The following UGT8 variants were observed in gnomAD, a reference collection of about 807,000 sequenced individuals.
UGT8 encodes the protein UDP glycosyltransferase 8, also known as 2-hydroxyacylsphingosine 1-beta-galactosyltransferase.
In UGT8, 12 loss-of-function variants were observed where a neutral mutation model predicts 40.5. That is an observed-to-expected ratio of 0.30 (90% CI 0.19 to 0.48). The LOEUF (loss-of-function observed/expected upper bound fraction) is 0.48, where lower values mean the gene tolerates loss of function less well. UGT8 is among the 20% of genes least tolerant of loss of function. The pLI is 0.99. For synonymous variants in UGT8, 224 were observed against 240.4 expected (o/e 0.93, Z 0.63); for missense variants, 513 against 648.7 (o/e 0.79, Z 2.27).
At chr4:114,646,329 C>T (rs1472391840) in intron 2 of UGT8, among the ~76,000 whole-genome samples, 2 of 151,588 alleles carry the variant, frequency 1.3e-5, no homozygotes, top group Non-Finnish European at 2.9e-5. Flanking sequence ...TAAGGTATAT[C>T]AGATGAACAT....
Position 114,676,325 on chromosome 4 carries a change from T to A in UGT8, c.*37T>A. On this transcript the variant is annotated 3_prime_UTR_variant, in exon 6 of 6. Transcript: ENST00000310836. ...AGGTGATAGAAATAAATTGGTTCAC[T>A]CATTGAATTTTTATTGCTATTATTT... 1 of 1,503,230 alleles carries A rather than the reference T, an allele frequency of 6.7e-7. No individual in the cohort carries two copies. Among genetic ancestry groups the A allele is most frequent in the Non-Finnish European group, 8.9e-7 (1 of 1,122,154 alleles). The allele number at this position is 1,503,230 out of a possible 1,614,324, so 93.1% of individuals were successfully genotyped here.
intron 2 of UGT8, among the ~76,000 whole-genome samples, chr4:114,644,789 G>A (rs966338914): frequency 6.6e-6 from 1 of 151,992 alleles, no homozygotes; most frequent in Admixed American, 6.6e-5. Flanking sequence ...TATCTGCAGG[G>A]TGTGTTGAGC....
chr4:114,601,552 C>CGGTAGCT (rs1357030265), intron 1 of UGT8, among the ~76,000 whole-genome samples: 3 of 151,452 alleles, frequency 2.0e-5, no homozygotes, highest in Admixed American at 2.0e-4. Context: ...CACATTTTCT[C>CGGTAGCT]GGTAGCTGAC....
chr4:114,624,896 C>T (rs961126603), intron 2 of UGT8, among the ~76,000 whole-genome samples: 1 of 152,130 alleles, frequency 6.6e-6, no homozygotes, highest in Non-Finnish European at 1.5e-5. Context: ...CTGACGTCAA[C>T]TGTAAAGGAT....
intron 1 of UGT8, among the ~76,000 whole-genome samples, chr4:114,621,133 A>G (rs1233562137): frequency 6.6e-6 from 1 of 152,190 alleles, no homozygotes. Flanking sequence ...AGACAACTTT[A>G]TTACACATAT....
At chr4:114,610,502 A>G (rs1408010289) in intron 1 of UGT8, among the ~76,000 whole-genome samples, 1 of 152,216 alleles carries the variant, frequency 6.6e-6, no homozygotes, top group Non-Finnish European at 1.5e-5. Flanking sequence ...ATAGATACTT[A>G]GAAGACACAA....
At chr4:114,642,712 T>A (rs965133877) in intron 2 of UGT8, among the ~76,000 whole-genome samples, 2 of 152,188 alleles carry the variant, frequency 1.3e-5, no homozygotes, top group Non-Finnish European at 2.9e-5. Context: ...CGCTTGTCAT[T>A]TGGCTTTCTT....
chr4:114,603,599 GAGA>G (rs1167156987), intron 1 of UGT8, among the ~76,000 whole-genome samples: 1 of 152,142 alleles, frequency 6.6e-6, no homozygotes, highest in Non-Finnish European at 1.5e-5. Context: ...TTCAGAAAGT[GAGA>G]AGGTCAGGTA....
rs1259018300 is a variant in UGT8, at chr4:114,668,307, A to G, written c.1262+3A>G. The G allele has an allele frequency of 1.2e-6, 2 of 1,613,044 alleles. No individual in the cohort carries two copies. Among genetic ancestry groups the G allele is most frequent in the Non-Finnish European group, 8.5e-7 (1 of 1,179,220 alleles). On this transcript the variant is annotated splice_donor_region_variant and intron_variant, in intron 5 of 5. Transcript: ENST00000310836. ...GTGAAGGTTATCAATAATCCCAGGT[A>G]AGGTTTCAATTAACATTAAAGCTGA...
intron 2 of UGT8, among the ~76,000 whole-genome samples, chr4:114,625,157 C>A (rs1314168157): frequency 1.3e-5 from 2 of 152,226 alleles, no homozygotes; most frequent in Admixed American, 6.5e-5. Flanking sequence ...TCTGCCAGCT[C>A]CCTTTGGTTT....
Position 114,676,413 on chromosome 4 carries a change from A to G in UGT8, c.*125A>G, listed in dbSNP as rs533072316. On this transcript the variant is annotated 3_prime_UTR_variant, in exon 6 of 6. Transcript: ENST00000310836. The stretch of plus-strand genomic sequence containing the variant: ...ATTCTAACATGCCCTTATGAGATCT[A>G]CTAATGAAATTCTGTGGAATTAAGA... The G allele has an allele frequency of 4.9e-5, 39 of 788,790 alleles. No homozygotes were observed. In the East Asian group the frequency reaches 6.8e-4, roughly 14 times the overall value. The allele number at this position is 788,790 out of a possible 1,614,324, so 48.9% of individuals were successfully genotyped here.
At chr4:114,644,182 G>C (rs1383969588) in intron 2 of UGT8, among the ~76,000 whole-genome samples, 1 of 152,100 alleles carries the variant, frequency 6.6e-6, no homozygotes, top group African/African-American at 2.4e-5. Flanking sequence ...CCCTCTCAAA[G>C]TTTCCTTATA....
At chr4:114,671,578 G>A (rs947491633) in intron 5 of UGT8, among the ~76,000 whole-genome samples, 2 of 152,138 alleles carry the variant, frequency 1.3e-5, no homozygotes, top group Non-Finnish European at 2.9e-5. Context: ...AATGGGGAAA[G>A]GATCTCCTAT....
In UGT8 at chr4:114,664,152, T is replaced by C; in HGVS notation, c.965+15T>C. The C allele has an allele frequency of 6.2e-7, 1 of 1,612,388 alleles. No homozygotes were observed. Among genetic ancestry groups the C allele is most frequent in the Non-Finnish European group, 8.5e-7 (1 of 1,179,596 alleles). ...GTGATTTGGAGGTAAGGTAATAATG[T>C]AGATTGTTTCTTTGCTATTGACAAT... is the stretch of plus-strand genomic sequence containing the variant. On this transcript the variant is annotated intron_variant, in intron 3 of 5. Transcript: ENST00000310836.
At chr4:114,664,547 A>G in intron 3 of UGT8, among the ~76,000 whole-genome samples, 1 of 152,244 alleles carries the variant, frequency 6.6e-6, no homozygotes. Context: ...TACCTAAAAT[A>G]CCGTGGACTC....
At chr4:114,614,354 T>G (rs1287726834) in intron 1 of UGT8, among the ~76,000 whole-genome samples, 3 of 152,206 alleles carry the variant, frequency 2.0e-5, no homozygotes, top group Admixed American at 2.0e-4. Flanking sequence ...TCCTTTCATA[T>G]TTCATGTGTG....
At chr4:114,674,300 G>A (rs909351434) in intron 5 of UGT8, among the ~76,000 whole-genome samples, 1 of 152,014 alleles carries the variant, frequency 6.6e-6, no homozygotes, top group Admixed American at 6.6e-5. Context: ...AATTAACTCT[G>A]CCATGTGAGT....
intron 2 of UGT8, among the ~76,000 whole-genome samples, chr4:114,635,016 G>A (rs1231458047): frequency 6.6e-6 from 1 of 151,034 alleles, no homozygotes; most frequent in Non-Finnish European, 1.5e-5. Flanking sequence ...TACAATTTGT[G>A]TACTAGTGAA....
chr4:114,625,502 C>A (rs1348350057), intron 2 of UGT8, among the ~76,000 whole-genome samples: 1 of 122,598 alleles, frequency 8.2e-6, no homozygotes, highest in Admixed American at 8.8e-5. Flanking sequence ...CAGAGTGAGA[C>A]CCTGTCTAAA....
Sources: allele counts gnomAD v4.1 joint callset (sites outside exome capture counted in the v4.1 genomes callset), GRCh38; gene constraint gnomAD v4.1.1; transcripts MANE v1.5; gene names NCBI Gene and HGNC (gene_info 2026-07-23, HGNC 2026-07-21).